Variants in VIL1 observed in about 807,000 individuals in gnomAD.
VIL1 encodes the protein villin-1.
VIL1 carries 86 observed loss-of-function variants against 104.0 expected under a neutral mutation model. That is an observed-to-expected ratio of 0.83 (90% CI 0.69 to 0.99). VIL1 has a LOEUF of 0.99. Among genes scored for constraint, VIL1 ranks in the 50% least tolerant of loss-of-function variants. VIL1 has a pLI of 0.00. For missense variants in VIL1, 944 were observed against 1,054.1 expected, an observed-to-expected ratio of 0.90 and a Z score of 1.45; for synonymous variants, 394 against 412.6, an observed-to-expected ratio of 0.95 and a Z score of 0.55.
chr2:218,424,219 C>T (rs1688940088), intron 2 of VIL1, 58 bp from the exon 3 acceptor site: 2 of 1,529,944 alleles, frequency 1.3e-6, no homozygotes, highest in Middle Eastern at 1.7e-4. Flanking sequence ...GCCCTCCTCC[C>T]AGGCCTAGGG....
intron 1 of VIL1, among the ~76,000 whole-genome samples, chr2:218,423,330 G>A (rs1417410756): frequency 6.6e-6 from 1 of 152,178 alleles, no homozygotes; most frequent in Non-Finnish European, 1.5e-5. Flanking sequence ...GGGAGGCAGA[G>A]GTTGCAGTGA....
intron 3 of VIL1, 42 bp downstream of exon 3, chr2:218,424,393 C>T (rs1375668673): frequency 6.3e-7 from 1 of 1,597,204 alleles, no homozygotes; most frequent in Admixed American, 1.7e-5. Flanking sequence ...GAGAGCAAAA[C>T]CCACTGTGGT....
intron 4 of VIL1, among the ~76,000 whole-genome samples, chr2:218,426,447 G>A (rs1233062429): frequency 6.6e-6 from 1 of 151,676 alleles, no homozygotes; most frequent in East Asian, 1.9e-4. Flanking sequence ...TAGAGACAGG[G>A]TTTCACCACG....
At chr2:218,437,036 C>G in intron 16 of VIL1, 88 bp from the exon 17 acceptor site, 1 of 1,488,344 alleles carries the variant, frequency 6.7e-7, no homozygotes, top group East Asian at 2.3e-5. Context: ...GGGTCAAGGT[C>G]AGGGTTTCAC....
intron 3 of VIL1, among the ~76,000 whole-genome samples, 182 bp from the exon 4 acceptor site, chr2:218,425,433 T>C (rs977133021): frequency 6.6e-6 from 1 of 152,210 alleles, no homozygotes; most frequent in African/African-American, 2.4e-5. Flanking sequence ...GGAGAAGCCA[T>C]GTCTCAGAGA....
chr2:218,434,464 C>T (rs1689152439), intron 13 of VIL1, 62 bp from the exon 14 acceptor site: 19 of 1,530,206 alleles, frequency 1.2e-5, no homozygotes, highest in Non-Finnish European at 1.5e-5. Context: ...CTCTGTTCCC[C>T]ATCATCTTCT....
chr2:218,434,668 T>TCAAG lies in VIL1; in HGVS notation c.1644_1647dup (p.Thr550GlnfsTer15). ...CTCAATTCCAATGATGTCTTTGTCC[T>TCAAG]CAAGACCCAGTCTTGCTGCTATCTA... is the stretch of plus-strand genomic sequence containing the variant. On this transcript the variant is annotated frameshift_variant, in exon 14 of 20. Transcript: ENST00000248444. LOFTEE classifies it high-confidence loss of function. 1.2e-6 allele frequency: 2 copies of TCAAG among 1,614,092 alleles called. No homozygotes were observed. The highest frequency in any genetic ancestry group is 1.7e-6 in the Non-Finnish European group (2 of 1,179,972).
intron 19 of VIL1, among the ~76,000 whole-genome samples, chr2:218,447,107 T>C (rs1007966667): frequency 1.2e-4 from 19 of 152,100 alleles, no homozygotes; most frequent in South Asian, 4.1e-4. Flanking sequence ...AATGAGAACA[T>C]TCAAATCCGC....
rs2106390143 is a variant in VIL1, at chr2:218,424,309, C to T, written c.108C>T (p.Thr36=). 2 of 1,614,032 alleles carry T rather than the reference C, an allele frequency of 1.2e-6. No homozygotes were observed. Among genetic ancestry groups the T allele is most frequent in the Non-Finnish European group, 1.7e-6 (2 of 1,180,022 alleles). ...AGATGGTGCCTGTTCCTTCCAGCAC[C>T]TTTGGAAGCTTCTTCGATGGTGACT... The part of the protein sequence containing the change: ...AMQMVPVPSS[T]FGSFFDGDCY... Residue 36 remains threonine, a synonymous_variant, in exon 3 of 20, where the codon ACC becomes ACT. Transcript: ENST00000248444.
intron 1 of VIL1, among the ~76,000 whole-genome samples, chr2:218,419,545 A>T (rs2106388376): frequency 6.6e-6 from 1 of 152,202 alleles, no homozygotes; most frequent in Non-Finnish European, 1.5e-5. Context: ...CCACCAGCTC[A>T]TCTCTTTGCC....
At position 218,436,715 on chromosome 2, in the gene VIL1, A is replaced by G. The variant is rs908945053; in HGVS notation, c.1971+89A>G. 1.5e-5 allele frequency: 22 copies of G among 1,479,044 alleles called. No homozygotes were observed. In the African/African-American group the frequency reaches 2.3e-4, roughly 15 times the overall value. The allele number at this position is 1,479,044 out of a possible 1,614,324, so 91.6% of individuals were successfully genotyped here. On this transcript the variant is annotated intron_variant, in intron 16 of 19. Transcript: ENST00000248444. ...TGGCTTTAAGGTTAGGTAAGTGTCA[A>G]TGTTTTCTTGGCCCTTACATAATTT...
chr2:218,429,972 C>T, intron 9 of VIL1, 25 bp downstream of exon 9: 1 of 1,580,828 alleles, frequency 6.3e-7, no homozygotes, highest in Non-Finnish European at 8.7e-7. Flanking sequence ...GGGGGAGGGT[C>T]CAGGAGGAGG....
chr2:218,443,601 C>A (rs1168654498), intron 19 of VIL1, among the ~76,000 whole-genome samples: 1 of 151,984 alleles, frequency 6.6e-6, no homozygotes, highest in Non-Finnish European at 1.5e-5. Flanking sequence ...TCAAGACAGC[C>A]CCATTATGGT....
intron 19 of VIL1, among the ~76,000 whole-genome samples, chr2:218,444,070 A>G (rs1024902737): frequency 3.3e-5 from 5 of 152,116 alleles, no homozygotes; most frequent in Admixed American, 6.6e-5. Flanking sequence ...GGTTCAAGCA[A>G]TTCTCCTGCC....
intron 17 of VIL1, 144 bp from the exon 18 acceptor site, chr2:218,438,514 C>T: frequency 1.4e-6 from 1 of 723,294 alleles, no homozygotes; most frequent in East Asian, 2.8e-5. Flanking sequence ...AGGGACCCTC[C>T]TCCAGCCTCA....
chr2:218,434,002 GC>G (rs1435803915), intron 13 of VIL1, among the ~76,000 whole-genome samples: 1 of 151,974 alleles, frequency 6.6e-6, no homozygotes, highest in Non-Finnish European at 1.5e-5. Context: ...TTCGAGACCA[GC>G]CTGACCAACA....
In VIL1 at chr2:218,430,885, G is replaced by T. The variant is rs906795218; in HGVS notation, c.1102+7G>T. On this transcript the variant is annotated splice_region_variant and intron_variant, in intron 10 of 19. Coordinates refer to ENST00000248444, the MANE Select transcript of VIL1 (RefSeq NM_007127.3). ...CACACTGTGGGCTCCGTGGGTGAGG[G>T]CCAGGCGGGGGCAGTGAGGGAGCCA... 1.7e-5 allele frequency: 28 copies of T among 1,609,850 alleles called. No individual in the cohort carries two copies. Among genetic ancestry groups the T allele is most frequent in the Non-Finnish European group, 2.4e-5 (28 of 1,178,118 alleles).
intron 6 of VIL1, 47 bp downstream of exon 6, chr2:218,428,384 C>T: frequency 6.5e-7 from 1 of 1,530,210 alleles, no homozygotes; most frequent in Non-Finnish European, 9.1e-7. Context: ...CCTAGACTGC[C>T]CCCACCTGCT....
intron 17 of VIL1, 140 bp downstream of exon 17, chr2:218,437,452 A>G: frequency 8.6e-7 from 1 of 1,167,738 alleles, no homozygotes. Flanking sequence ...ATAGAAAGTA[A>G]GGCTGCACTA....
Sources: allele counts gnomAD v4.1 joint callset (sites outside exome capture counted in the v4.1 genomes callset), GRCh38; gene constraint gnomAD v4.1.1; transcripts MANE v1.5; gene names NCBI Gene and HGNC (gene_info 2026-07-23, HGNC 2026-07-21).